SHANK2: variants seen among roughly 807,000 people sequenced by gnomAD.
The protein encoded by SHANK2 is SH3 and multiple ankyrin repeat domains protein 2.
A neutral mutation model predicts 133.7 loss-of-function variants in SHANK2; 43 were observed. The ratio of observed to expected loss-of-function variants is 0.32; its 90% CI spans 0.25 to 0.41. SHANK2 has a LOEUF of 0.41. Ranked by LOEUF, SHANK2 falls within the 10% of genes least tolerant of loss-of-function variation. The pLI is 1.00. For missense variants in SHANK2, 1,994 were observed against 2,235.8 expected (o/e 0.89, Z 2.18); for synonymous variants, 1,017 against 952.8 (o/e 1.07, Z -1.24).
At chr11:71,199,212 C>A (rs1953971745) in intron 2 of SHANK2, among the ~76,000 whole-genome samples, 1 of 152,334 alleles carries the variant, frequency 6.6e-6, no homozygotes, top group South Asian at 2.1e-4. Context: ...AGTCACCAGA[C>A]CTCTCTGAAC....
intron 9 of SHANK2, among the ~76,000 whole-genome samples, chr11:71,073,126 TGTTTTTTTTCTTTTTCTTTTC>T (rs1951164228): frequency 6.7e-6 from 1 of 148,990 alleles, no homozygotes; most frequent in African/African-American, 2.4e-5. Context: ...GCTTGCTTTT[TGTTTTTTTTCTTTTTCTTTTC>T]TTTTTTTTCT....
At chr11:70,857,961 T>G (rs1216212403) in intron 11 of SHANK2, among the ~76,000 whole-genome samples, 1 of 152,152 alleles carries the variant, frequency 6.6e-6, no homozygotes, top group African/African-American at 2.4e-5. Flanking sequence ...CCACCCCACC[T>G]TGGAATCCTT....
At chr11:71,137,973 G>A (rs1952479278) in intron 3 of SHANK2, among the ~76,000 whole-genome samples, 1 of 150,878 alleles carries the variant, frequency 6.6e-6, no homozygotes, top group Non-Finnish European at 1.5e-5. Context: ...ACAATGGGCG[G>A]GCGCACACAC....
At chr11:71,204,021 T>C (rs1307901327) in intron 2 of SHANK2, among the ~76,000 whole-genome samples, 1 of 152,130 alleles carries the variant, frequency 6.6e-6, no homozygotes, top group Non-Finnish European at 1.5e-5. Flanking sequence ...CACCCTTCGC[T>C]GTGATGAACC....
In SHANK2 at chr11:70,485,111, A is replaced by T. The variant is rs1335813398; in HGVS notation, c.4979+203T>A. Among the ~76,000 whole-genome samples, 3 of 152,270 alleles carry T rather than the reference A, an allele frequency of 2.0e-5. No individual in the cohort carries two copies. The highest frequency in any genetic ancestry group is 4.4e-5 in the Non-Finnish European group (3 of 68,046). ...TTATGAAGGAGTGCTGTGTCCCACC[A>T]GGATGGCTGTGATCATTACTCGGCT... On this transcript the variant is annotated intron_variant, in intron 25 of 25. Coordinates refer to ENST00000601538, the MANE Select transcript of SHANK2 (RefSeq NM_012309.5). This position sits in a 1 kb window ranked among gnomAD's most constrained non-coding sequence, Gnocchi z 5.8.
chr11:70,854,881 C>T (rs1555066527), intron 11 of SHANK2, among the ~76,000 whole-genome samples: 1 of 152,234 alleles, frequency 6.6e-6, no homozygotes, highest in African/African-American at 2.4e-5. Flanking sequence ...GGTCTCCCTA[C>T]TACACCTGTG....
chr11:70,826,396 T>A (rs1948640515), intron 11 of SHANK2: 1 of 466,870 alleles, frequency 2.1e-6, no homozygotes, highest in Non-Finnish European at 4.5e-6. Context: ...GTCCTCCCTC[T>A]CCCCCACCCC....
At chr11:70,659,761 C>T (rs1555012686) in intron 17 of SHANK2, 67 bp downstream of exon 17, 1 of 1,604,630 alleles carries the variant, frequency 6.2e-7, no homozygotes, top group African/African-American at 1.3e-5. Context: ...GCTGCCAGGA[C>T]TACGACCCTC....
intron 6 of SHANK2, among the ~76,000 whole-genome samples, chr11:71,100,866 C>CAAAAAAAAAAAAAA (rs781807117): frequency 2.0e-5 from 2 of 99,894 alleles, no homozygotes; most frequent in East Asian, 6.4e-4. Context: ...GACTCCGTCT[C>CAAAAAAAAAAAAAA]AAAAAAAAAA....
At chr11:70,767,579 T>C (rs1198785242) in intron 14 of SHANK2, among the ~76,000 whole-genome samples, 1 of 151,838 alleles carries the variant, frequency 6.6e-6, no homozygotes, top group African/African-American at 2.4e-5. Flanking sequence ...CTTGAGAACA[T>C]GGCACTGAGT....
chr11:71,176,316 A>G (rs1953443560), intron 2 of SHANK2, among the ~76,000 whole-genome samples: 1 of 152,226 alleles, frequency 6.6e-6, no homozygotes, highest in Admixed American at 6.5e-5. Flanking sequence ...GATTAAATTC[A>G]TATTTTATAA....
chr11:70,542,903 GCTGA>G (rs1473331217), intron 17 of SHANK2, among the ~76,000 whole-genome samples: 3 of 152,174 alleles, frequency 2.0e-5, no homozygotes, highest in Non-Finnish European at 4.4e-5. Context: ...TATCTCAAGG[GCTGA>G]CTGTCCCCCC....
intron 17 of SHANK2, among the ~76,000 whole-genome samples, chr11:70,553,946 C>T (rs2059799687): frequency 6.6e-6 from 1 of 152,242 alleles, no homozygotes; most frequent in South Asian, 2.1e-4. Context: ...GAAGAGGCTA[C>T]AGGCCTGGTG....
intron 17 of SHANK2, among the ~76,000 whole-genome samples, chr11:70,612,822 G>T (rs575031434): frequency 1.1e-4 from 16 of 151,926 alleles, no homozygotes; most frequent in Admixed American, 7.9e-4. Flanking sequence ...CTTTCCATAC[G>T]CAATATCAGA....
chr11:70,502,091 G>T (rs754931579), intron 19 of SHANK2, 115 bp downstream of exon 19: 1 of 1,328,984 alleles, frequency 7.5e-7, no homozygotes, highest in South Asian at 1.3e-5. Flanking sequence ...TGGGTACAGG[G>T]GCAGGAGGGG....
intron 17 of SHANK2, among the ~76,000 whole-genome samples, chr11:70,646,819 C>CTTTTATTTA (rs200266699): frequency 1.9e-5 from 2 of 106,040 alleles, no homozygotes; most frequent in South Asian, 6.9e-4. Context: ...AGGAATCTAA[C>CTTTTATTTA]TTTTATTTAT....
intron 17 of SHANK2, among the ~76,000 whole-genome samples, chr11:70,625,859 A>G (rs184309282): frequency 7.9e-5 from 12 of 151,586 alleles, no homozygotes; most frequent in African/African-American, 2.9e-4. Context: ...TGCATAAAAT[A>G]CACACTGTAG....
intron 2 of SHANK2, among the ~76,000 whole-genome samples, chr11:71,164,297 ACAG>A (rs1953093949): frequency 6.6e-6 from 1 of 152,216 alleles, no homozygotes; most frequent in African/African-American, 2.4e-5. Context: ...ATTAAATATC[ACAG>A]CACATTGCAT....
chr11:70,954,847 G>A (rs567479624), intron 10 of SHANK2, among the ~76,000 whole-genome samples: 3 of 152,334 alleles, frequency 2.0e-5, no homozygotes, highest in South Asian at 4.1e-4. Flanking sequence ...GGAAGAACAC[G>A]GGGTCTGGCA....
Sources: gnomAD v4.1 joint callset for allele counts (sites outside exome capture counted in the v4.1 genomes callset) on GRCh38, gnomAD v4.1.1 for gene constraint, Gnocchi (gnomAD v3.1) non-coding constraint, MANE v1.5 for transcripts, NCBI Gene and HGNC (gene_info 2026-07-23, HGNC 2026-07-21) for gene names.